Variants in SSUH2 observed in about 807,000 individuals in gnomAD.
SSUH2 encodes protein SSUH2 homolog.
In SSUH2, 47 loss-of-function variants were observed where a neutral mutation model predicts 55.3. The ratio of observed to expected loss-of-function variants is 0.85; its 90% CI spans 0.67 to 1.08. SSUH2 has a LOEUF of 1.08. Among genes scored for constraint, SSUH2 ranks in the 50% least tolerant of loss-of-function variants. SSUH2 has a pLI of 0.00. For synonymous variants in SSUH2, 212 were observed against 191.5 expected (o/e 1.11, Z -0.89); for missense variants, 535 against 490.7 (o/e 1.09, Z -0.85).
intron 1 of SSUH2, among the ~76,000 whole-genome samples, chr3:8,637,011 T>C (rs993202190): frequency 2.0e-5 from 3 of 152,236 alleles, no homozygotes; most frequent in African/African-American, 7.2e-5. Context: ...TTTGGACTTA[T>C]TGATTTTTCT....
In SSUH2 at chr3:8,681,672, G is replaced by A. The variant is rs183349714; in HGVS notation, c.-1046+219C>T. On this transcript the variant is annotated intron_variant, in intron 1 of 18. Coordinates refer to the SSUH2 transcript ENST00000317371. ...CCCGTGCGATGGGGACTGAAAGTCA[G>A]CCCCTCTTCCCCCCGGCTCTTAGGA... Among the ~76,000 whole-genome samples, 179 of 148,566 alleles carry A rather than the reference G, an allele frequency of 1.2e-3. 1 individual carries two copies. The highest frequency in any genetic ancestry group is 4.1e-3 in the African/African-American group (165 of 40,430).
chr3:8,671,431 G>C lies in SSUH2; in HGVS notation c.-610-278C>G, dbSNP rs182738329. On this transcript the variant is annotated intron_variant, in intron 4 of 18. Transcript: ENST00000317371. ...AGGATCATACGAGTAATTTGACAAGGTGTACAAACCCTGTGACATAAGAGG... is the reference window on the plus strand; with the variant it reads ...AGGATCATACGAGTAATTTGACAAGCTGTACAAACCCTGTGACATAAGAGG... Among the ~76,000 whole-genome samples, 91 of 152,170 alleles carry C rather than the reference G, an allele frequency of 6.0e-4. 2 individuals are homozygous for C. The highest frequency in any genetic ancestry group is 1.5e-3 in the South Asian group (7 of 4,826).
chr3:8,667,656 G>A (rs1704109734), intron 5 of SSUH2, among the ~76,000 whole-genome samples: 1 of 152,184 alleles, frequency 6.6e-6, no homozygotes, highest in Admixed American at 6.5e-5. Flanking sequence ...TCATTACACA[G>A]GCATGATTGA....
chr3:8,676,321 C>T (rs988564661), intron 3 of SSUH2, among the ~76,000 whole-genome samples: 1 of 151,980 alleles, frequency 6.6e-6, no homozygotes, highest in African/African-American at 2.4e-5. Flanking sequence ...CCTGCGATAT[C>T]GCGTGTCATA....
intron 1 of SSUH2, among the ~76,000 whole-genome samples, chr3:8,640,979 C>A (rs550651357): frequency 4.7e-4 from 71 of 152,366 alleles, no homozygotes; most frequent in African/African-American, 1.5e-3. Context: ...CACACAGGGA[C>A]TGGGCTTCCC....
At chr3:8,652,934 C>T (rs1321723673) in intron 7 of SSUH2, among the ~76,000 whole-genome samples, 3 of 152,186 alleles carry the variant, frequency 2.0e-5, no homozygotes, top group Non-Finnish European at 2.9e-5. Flanking sequence ...AGGCCATCTC[C>T]CTGGGAGTGG....
chr3:8,649,896 AGCCCAGTCCTT>A (rs1051447104), intron 7 of SSUH2, among the ~76,000 whole-genome samples: 1 of 152,034 alleles, frequency 6.6e-6, no homozygotes, highest in Non-Finnish European at 1.5e-5. Flanking sequence ...TTGGACTAAA[AGCCCAGTCCTT>A]GCCGTGCTCT....
At chr3:8,643,628 A>G (rs1264068545) in intron 1 of SSUH2, among the ~76,000 whole-genome samples, 1 of 152,176 alleles carries the variant, frequency 6.6e-6, no homozygotes, top group Admixed American at 6.5e-5. Context: ...CTTCAGGTCT[A>G]AAACTTAAAG....
rs538965896 is a variant in SSUH2, at chr3:8,634,042, G to T, written c.210-247C>A. On this transcript the variant is annotated intron_variant, in intron 3 of 11. Transcript: ENST00000544814. ...TTTAGTTGAAATGTGGAGCTTAGGA[G>T]AAAAGCTGATAGAATCCTGCAACTG... is the stretch of plus-strand genomic sequence containing the variant. The T allele has an allele frequency of 2.4e-6, 3 of 1,248,984 alleles. No individual in the cohort carries two copies. In the African/African-American group the frequency reaches 4.5e-5, roughly 19 times the overall value. The allele number at this position is 1,248,984 out of a possible 1,614,324, so 77.4% of individuals were successfully genotyped here.
rs1437424909 is a variant in SSUH2 at position 8,679,910 on chromosome 3, T to A, written c.-1045-61A>T. 3 of 150,690 alleles carry A rather than the reference T, an allele frequency of 2.0e-5. No homozygotes were observed. The East Asian group carries it at 5.9e-4, about 30-fold the overall frequency. The allele number at this position is 150,690 out of a possible 1,614,324, so 9.3% of individuals were successfully genotyped here. On this transcript the variant is annotated intron_variant, in intron 1 of 18. Transcript: ENST00000317371. Reference sequence around the variant, plus strand: ...GCTGTGGGGTTTTGTAGACTGTGGATCCCAAACTTTGCAGTATTAGCCAAG... The same window carrying A: ...GCTGTGGGGTTTTGTAGACTGTGGAACCCAAACTTTGCAGTATTAGCCAAG...
chr3:8,656,514 C>T lies in SSUH2; in HGVS notation c.-307+2411G>A, dbSNP rs149887306. Among the ~76,000 whole-genome samples the T allele has an allele frequency of 8.8e-3, 1,343 of 152,254 alleles. 24 individuals carry two copies. Among genetic ancestry groups the T allele is most frequent in the African/African-American group, 0.031 (1,268 of 41,524 alleles). The stretch of plus-strand genomic sequence containing the variant: ...GCAGTCACTGACTGTGACCCAGGGA[C>T]GGAGCAACAGCCATTCCACAAACAG... On this transcript the variant is annotated intron_variant, in intron 7 of 18. Coordinates refer to the SSUH2 transcript ENST00000317371.
At chr3:8,625,248 G>A (rs1697281396) in intron 10 of SSUH2, among the ~76,000 whole-genome samples, 1 of 151,838 alleles carries the variant, frequency 6.6e-6, no homozygotes, top group Non-Finnish European at 1.5e-5. Context: ...GAGGGGATGA[G>A]GAAGGAAGGA....
chr3:8,628,663 G>A (rs370324063), intron 7 of SSUH2, among the ~76,000 whole-genome samples: 2 of 152,344 alleles, frequency 1.3e-5, no homozygotes. Flanking sequence ...TGACAAGGCA[G>A]GTGGGGACTG....
At chr3:8,677,562 G>A (rs565367122) in intron 2 of SSUH2, among the ~76,000 whole-genome samples, 1 of 150,972 alleles carries the variant, frequency 6.6e-6, no homozygotes, top group Admixed American at 6.6e-5. Flanking sequence ...GGGGCTACCC[G>A]ATCTGACACA....
intron 3 of SSUH2, chr3:8,634,246 G>A: frequency 1.6e-6 from 1 of 617,982 alleles, no homozygotes; most frequent in Non-Finnish European, 2.5e-6. Flanking sequence ...CCCCAGCCAG[G>A]CACTGGCCCA....
chr3:8,660,050 G>A (rs911106310), intron 6 of SSUH2, among the ~76,000 whole-genome samples: 2 of 152,122 alleles, frequency 1.3e-5, no homozygotes, highest in Non-Finnish European at 2.9e-5. Flanking sequence ...TGTACCACTC[G>A]GGTCCCAACA....
At chr3:8,629,947 C>A (rs1344020199) in intron 6 of SSUH2, among the ~76,000 whole-genome samples, 1 of 152,166 alleles carries the variant, frequency 6.6e-6, no homozygotes, top group Non-Finnish European at 1.5e-5. Context: ...AATCTGGATG[C>A]CATCAAGGGG....
At chr3:8,642,842 A>G (rs1001937792) in intron 1 of SSUH2, among the ~76,000 whole-genome samples, 1 of 152,058 alleles carries the variant, frequency 6.6e-6, no homozygotes, top group African/African-American at 2.4e-5. Flanking sequence ...CACTTGGGGA[A>G]AAAAAAATCT....
At chr3:8,623,073 T>C (rs963928295) in intron 11 of SSUH2, among the ~76,000 whole-genome samples, 8 of 152,152 alleles carry the variant, frequency 5.3e-5, no homozygotes, top group Admixed American at 4.6e-4. Context: ...CTCCTGGGGA[T>C]GTAGCAGCCA....
Sources: allele counts gnomAD v4.1 joint callset (sites outside exome capture counted in the v4.1 genomes callset), GRCh38; gene constraint gnomAD v4.1.1; transcripts MANE v1.5; gene names NCBI Gene and HGNC (gene_info 2026-07-23, HGNC 2026-07-21).